Variants in ZBTB20 observed in about 807,000 individuals in gnomAD.
ZBTB20 encodes zinc finger and BTB domain containing 20, also known as zinc finger and BTB domain-containing protein 20.
In ZBTB20, 9 loss-of-function variants were observed where a neutral mutation model predicts 56.9. That is an observed-to-expected ratio of 0.16 (90% CI 0.10 to 0.28). ZBTB20 has a LOEUF of 0.28. Among genes scored for constraint, ZBTB20 ranks in the 10% least tolerant of loss-of-function variants. ZBTB20 has a pLI of 1.00. For missense variants in ZBTB20, 655 were observed against 1,003.0 expected (o/e 0.65, Z 4.69); for synonymous variants, 417 against 420.7 (o/e 0.99, Z 0.11).
chr3:114,889,755 G>A (rs1037230580), intron 4 of ZBTB20, among the ~76,000 whole-genome samples: 4 of 152,022 alleles, frequency 2.6e-5, no homozygotes, highest in African/African-American at 9.7e-5. Context: ...AGGTTATAGG[G>A]TGTTTCTGGA....
At chr3:114,964,452 T>C (rs2077569865) in intron 3 of ZBTB20, among the ~76,000 whole-genome samples, 2 of 152,016 alleles carry the variant, frequency 1.3e-5, no homozygotes, top group African/African-American at 2.4e-5. Flanking sequence ...AAAAACACTA[T>C]GCTACAATAT....
At chr3:114,763,810 T>C (rs2068601705) in intron 5 of ZBTB20, among the ~76,000 whole-genome samples, 1 of 152,100 alleles carries the variant, frequency 6.6e-6, no homozygotes, top group African/African-American at 2.4e-5. Flanking sequence ...TTGTACCCCA[T>C]AAAAATACAT....
At chr3:114,426,025 TG>T (rs1388732489) in intron 7 of ZBTB20, among the ~76,000 whole-genome samples, 1 of 152,138 alleles carries the variant, frequency 6.6e-6, no homozygotes, top group African/African-American at 2.4e-5. Context: ...CTAATCACAT[TG>T]TACCTAGGAT....
chr3:114,885,966 T>C (rs902611568), intron 4 of ZBTB20, among the ~76,000 whole-genome samples: 5 of 152,350 alleles, frequency 3.3e-5, no homozygotes, highest in Non-Finnish European at 4.4e-5. Flanking sequence ...TTGAGCATTC[T>C]TAAAGAAAAC....
chr3:114,507,588 A>C (rs914595031), intron 6 of ZBTB20, among the ~76,000 whole-genome samples: 1 of 152,194 alleles, frequency 6.6e-6, no homozygotes, highest in Non-Finnish European at 1.5e-5. Flanking sequence ...CAAGTGGTAA[A>C]TAATCAAATA....
chr3:114,872,662 A>G (rs2076056076), intron 4 of ZBTB20, among the ~76,000 whole-genome samples: 1 of 152,016 alleles, frequency 6.6e-6, no homozygotes, highest in Non-Finnish European at 1.5e-5. Flanking sequence ...AGGACTGACT[A>G]TGGAGTATTT....
intron 6 of ZBTB20, among the ~76,000 whole-genome samples, chr3:114,587,121 T>C (rs953566462): frequency 1.5e-4 from 22 of 150,466 alleles, no homozygotes; most frequent in Admixed American, 9.3e-4. Flanking sequence ...CTCAGCCTCC[T>C]GAGCAGCTGG....
intron 7 of ZBTB20, among the ~76,000 whole-genome samples, chr3:114,429,193 C>T (rs76337674): frequency 3.3e-5 from 5 of 152,032 alleles, no homozygotes; most frequent in South Asian, 2.1e-4. Flanking sequence ...TAAAAAAGTA[C>T]GATTAGACAT....
In ZBTB20 at chr3:114,322,449, CT is replaced by C. The variant is rs1027715045; in HGVS notation, c.*16555del. 6.6e-6 allele frequency: 1 copy of C among 152,136 alleles called. No individual in the cohort carries two copies. The highest frequency in any genetic ancestry group is 1.5e-5 in the Non-Finnish European group (1 of 68,028). The allele number at this position is 152,136 out of a possible 1,614,324, so 9.4% of individuals were successfully genotyped here. A position where few individuals can be genotyped will look rare whatever the true frequency, so the allele number is the denominator to read the frequency against. ...CATATCCCTTGAGCCTGTTGTAGTA[CT>C]TTTTTCTGGGAGAGAGGAAATTGCG... On this transcript the variant is annotated 3_prime_UTR_variant, in exon 12 of 12. Coordinates refer to ENST00000675478, the MANE Select transcript of ZBTB20 (RefSeq NM_001348800.3).
chr3:114,438,404 T>C (rs2090666960), intron 7 of ZBTB20, among the ~76,000 whole-genome samples: 1 of 140,344 alleles, frequency 7.1e-6, no homozygotes, highest in South Asian at 2.4e-4. Flanking sequence ...CTCCCTAGTA[T>C]TCACTCCTTG....
At chr3:114,657,402 C>T (rs1040289234) in intron 6 of ZBTB20, among the ~76,000 whole-genome samples, 5 of 152,222 alleles carry the variant, frequency 3.3e-5, no homozygotes, top group Admixed American at 3.3e-4. Flanking sequence ...CTAACTTTGT[C>T]TCCTCTTCAT....
chr3:114,325,248 T>C lies in ZBTB20; in HGVS notation c.*13757A>G, dbSNP rs957628520. ...AAGAAGTTTAGCAGCTGAAAATACCTTTGAGAATTTTCTCCTGTAAATCTA... is the reference window on the plus strand; with the variant it reads ...AAGAAGTTTAGCAGCTGAAAATACCCTTGAGAATTTTCTCCTGTAAATCTA... On this transcript the variant is annotated 3_prime_UTR_variant, in exon 12 of 12. Coordinates refer to ENST00000675478, the MANE Select transcript of ZBTB20 (RefSeq NM_001348800.3). 2 of 152,174 alleles carry C rather than the reference T, an allele frequency of 1.3e-5. No individual in the cohort carries two copies. Among genetic ancestry groups the C allele is most frequent in the Non-Finnish European group, 1.5e-5 (1 of 68,022 alleles). The allele number at this position is 152,174 out of a possible 1,614,324, so 9.4% of individuals were successfully genotyped here. A position where few individuals can be genotyped will look rare whatever the true frequency, so the allele number is the denominator to read the frequency against.
chr3:114,809,692 T>C (rs1224327611), intron 4 of ZBTB20, among the ~76,000 whole-genome samples: 1 of 151,636 alleles, frequency 6.6e-6, no homozygotes, highest in Non-Finnish European at 1.5e-5. Flanking sequence ...ATATAATTTC[T>C]TTTTTTTTCT....
At chr3:114,872,861 A>G (rs1472852507) in intron 4 of ZBTB20, among the ~76,000 whole-genome samples, 1 of 152,142 alleles carries the variant, frequency 6.6e-6, no homozygotes, top group Non-Finnish European at 1.5e-5. Flanking sequence ...AGAATTAGCT[A>G]GAAATTACTT....
intron 7 of ZBTB20, among the ~76,000 whole-genome samples, chr3:114,453,992 G>T (rs1256610739): frequency 7.2e-6 from 1 of 139,434 alleles, no homozygotes; most frequent in Non-Finnish European, 1.5e-5. Context: ...AAATCCCCGG[G>T]CAGCTACTCC....
chr3:114,695,439 G>T (rs1344065217), intron 5 of ZBTB20, among the ~76,000 whole-genome samples: 2 of 151,914 alleles, frequency 1.3e-5, no homozygotes, highest in Admixed American at 6.6e-5. Context: ...GGTCAGTCCT[G>T]CCCTAGTATG....
At chr3:114,413,138 TCAGTA>T (rs1382579985) in intron 7 of ZBTB20, among the ~76,000 whole-genome samples, 1 of 152,088 alleles carries the variant, frequency 6.6e-6, no homozygotes, top group Non-Finnish European at 1.5e-5. Context: ...AGGAGAACGT[TCAGTA>T]TTAATTAAAA....
intron 4 of ZBTB20, among the ~76,000 whole-genome samples, chr3:114,811,470 T>G (rs1370171037): frequency 6.6e-6 from 1 of 152,198 alleles, no homozygotes; most frequent in Non-Finnish European, 1.5e-5. Flanking sequence ...TGAAAAGAGA[T>G]AAACATATAG....
At chr3:114,872,562 G>C (rs2076051679) in intron 4 of ZBTB20, among the ~76,000 whole-genome samples, 1 of 151,816 alleles carries the variant, frequency 6.6e-6, no homozygotes, top group South Asian at 2.1e-4. Flanking sequence ...GCAGAAATAA[G>C]ACGTTTGGGG....
Sources: gnomAD v4.1 joint callset for allele counts (sites outside exome capture counted in the v4.1 genomes callset) on GRCh38, gnomAD v4.1.1 for gene constraint, MANE v1.5 for transcripts, NCBI Gene and HGNC (gene_info 2026-07-23, HGNC 2026-07-21) for gene names.